Variants in ALOX5 observed in about 807,000 individuals in gnomAD.
The protein encoded by ALOX5 is arachidonate 5-lipoxygenase, also known as polyunsaturated fatty acid 5-lipoxygenase.
In ALOX5, 64 loss-of-function variants were observed where a neutral mutation model predicts 87.9. The ratio of observed to expected loss-of-function variants is 0.73; its 90% CI spans 0.60 to 0.90. ALOX5 has a LOEUF of 0.90. Among genes scored for constraint, ALOX5 ranks in the 40% least tolerant of loss-of-function variants. The pLI is 0.00. For missense variants in ALOX5, 822 were observed against 907.5 expected, an observed-to-expected ratio of 0.91 and a Z score of 1.21; for synonymous variants, 388 against 355.1, an observed-to-expected ratio of 1.09 and a Z score of -1.04.
intron 11 of ALOX5, 33 bp from the exon 12 acceptor site, chr10:45,443,695 C>T: frequency 6.2e-7 from 1 of 1,600,862 alleles, no homozygotes; most frequent in Non-Finnish European, 8.5e-7. Context: ...TCCTCAGGGA[C>T]TGGGCCTCAG....
At chr10:45,393,519 A>G (rs1290845933) in intron 2 of ALOX5, among the ~76,000 whole-genome samples, 2 of 152,176 alleles carry the variant, frequency 1.3e-5, no homozygotes, top group South Asian at 2.1e-4. Flanking sequence ...CAAAAACTGG[A>G]AGCATTCCCT....
chr10:45,430,863 C>T (rs2132824173), intron 7 of ALOX5, among the ~76,000 whole-genome samples: 1 of 152,272 alleles, frequency 6.6e-6, no homozygotes, highest in Non-Finnish European at 1.5e-5. Flanking sequence ...TTATCAGCCC[C>T]AAATTGATCA....
intron 9 of ALOX5, 160 bp downstream of exon 9, chr10:45,441,590 G>C: frequency 1.4e-5 from 9 of 653,466 alleles, no homozygotes; most frequent in Non-Finnish European, 2.0e-5. Flanking sequence ...TCTCCAGCCC[G>C]TGCCATTCAG....
intron 7 of ALOX5, among the ~76,000 whole-genome samples, chr10:45,429,863 C>G (rs1335497473): frequency 6.6e-6 from 1 of 152,068 alleles, no homozygotes; most frequent in Non-Finnish European, 1.5e-5. Flanking sequence ...CACAACCATC[C>G]TAGGTAGTGG....
chr10:45,396,064 T>A (rs900744733), intron 3 of ALOX5, 128 bp downstream of exon 3: 23 of 856,602 alleles, frequency 2.7e-5, no homozygotes, highest in Non-Finnish European at 3.9e-5. Flanking sequence ...AGGCACCAGC[T>A]CCCAGTGTGG....
intron 1 of ALOX5, among the ~76,000 whole-genome samples, chr10:45,381,846 A>T (rs1350194926): frequency 1.3e-5 from 2 of 152,216 alleles, no homozygotes; most frequent in East Asian, 3.8e-4. Flanking sequence ...GCCTTCAGTG[A>T]ATGTCTTGGG....
chr10:45,444,137 C>T lies in ALOX5; in HGVS notation c.1696C>T (p.Pro566Ser). 1 of 1,548,264 alleles carries T rather than the reference C, an allele frequency of 6.5e-7. No individual in the cohort carries two copies. The highest frequency in any genetic ancestry group is 8.7e-7 in the Non-Finnish European group (1 of 1,144,980). ...FGQYDWCSWI[P>S]NAPPTMRAPP... The stretch of plus-strand genomic sequence containing the variant: ...GCAGTACGACTGGTGCTCCTGGATC[C>T]CCAATGCGCCCCCAACCATGCGAGC... The change falls in exon 13 of 14, where the codon CCC becomes TCC. Residue 566 changes from proline (P) to serine (S), a missense_variant. Pro to Ser is a moderately conservative substitution (Grantham distance 74, BLOSUM62 -1). Coordinates refer to ENST00000374391, the MANE Select transcript of ALOX5 (RefSeq NM_000698.5).
At chr10:45,424,195 T>G (rs1399573716) in intron 5 of ALOX5, 48 bp downstream of exon 5, 1 of 1,458,510 alleles carries the variant, frequency 6.9e-7, no homozygotes. Context: ...CAGGGGATGC[T>G]GCTCTCCTGT....
At chr10:45,443,904 G>A (rs1486778661) in intron 12 of ALOX5, 76 bp downstream of exon 12, 1 of 1,500,376 alleles carries the variant, frequency 6.7e-7, no homozygotes, top group East Asian at 2.5e-5. Context: ...GGTTCTGCAC[G>A]CGTACTGCAC....
chr10:45,404,540 C>T (rs931722043), intron 3 of ALOX5, among the ~76,000 whole-genome samples: 15 of 152,226 alleles, frequency 9.9e-5, no homozygotes, highest in African/African-American at 3.1e-4. Context: ...TTAATCTAAT[C>T]ATTATGTGAC....
At chr10:45,389,841 C>A (rs1840147713) in intron 2 of ALOX5, among the ~76,000 whole-genome samples, 1 of 152,164 alleles carries the variant, frequency 6.6e-6, no homozygotes, top group Non-Finnish European at 1.5e-5. Flanking sequence ...TCACACATAA[C>A]AATATTAACC....
intron 8 of ALOX5, 140 bp downstream of exon 8, chr10:45,440,773 AG>A (rs2132853431): frequency 1.0e-6 from 1 of 958,806 alleles, no homozygotes; most frequent in African/African-American, 1.6e-5. Context: ...TCTCAGAGTC[AG>A]TAATGCCCCT....
chr10:45,441,370 C>T lies in ALOX5; in HGVS notation c.1212C>T (p.Thr404=), dbSNP rs1392346756. 1 of 1,613,798 alleles carries T rather than the reference C, an allele frequency of 6.2e-7. No homozygotes were observed. Among genetic ancestry groups the T allele is most frequent in the Non-Finnish European group, 8.5e-7 (1 of 1,179,836 alleles). ...TGCTGGTGGCACACGTGAGATTCAC[C>T]ATTGCAATCAACACCAAGGCCCGTG... ...FKLLVAHVRF[T]IAINTKAREQ... Residue 404 remains threonine (T), a synonymous_variant, in exon 9 of 14, where the codon ACC becomes ACT. Coordinates refer to ENST00000374391, the MANE Select transcript of ALOX5 (RefSeq NM_000698.5).
intron 4 of ALOX5, among the ~76,000 whole-genome samples, chr10:45,418,860 A>G (rs1841396071): frequency 1.3e-5 from 2 of 152,248 alleles, no homozygotes; most frequent in South Asian, 4.1e-4. Flanking sequence ...TGAAAAGACA[A>G]TGTCCTCATT....
At chr10:45,409,569 T>TTCTC (rs374670021) in intron 3 of ALOX5, among the ~76,000 whole-genome samples, 3 of 124,914 alleles carry the variant, frequency 2.4e-5, no homozygotes, top group Admixed American at 7.7e-5. Context: ...CTCTCTCTCT[T>TTCTC]TCTCTCTCTC....
rs1369332039 is a variant in ALOX5 at position 45,444,006 on chromosome 10, G to A, written c.1675-110G>A. ...CTGGCCGCGGGGAAAGAGGATGGAC[G>A]GACTGCAGGGCCCGCTGGAGTTGGG... On this transcript the variant is annotated intron_variant, in intron 12 of 13. Coordinates refer to ENST00000374391, the MANE Select transcript of ALOX5 (RefSeq NM_000698.5). 1.0e-5 allele frequency: 15 copies of A among 1,439,836 alleles called. 2 individuals carry two copies. In the South Asian group the frequency reaches 1.2e-4, roughly 12 times the overall value. The allele number at this position is 1,439,836 out of a possible 1,614,324, so 89.2% of individuals were successfully genotyped here.
At chr10:45,440,301 T>C (rs573162552) in intron 7 of ALOX5, 129 bp from the exon 8 acceptor site, 244 of 992,774 alleles carry the variant, frequency 2.5e-4, no homozygotes, top group Non-Finnish European at 1.6e-4. Context: ...CCCTCCAGGC[T>C]CTTCTGATTC....
At chr10:45,415,723 C>T (rs958654871) in intron 4 of ALOX5, among the ~76,000 whole-genome samples, 2 of 152,258 alleles carry the variant, frequency 1.3e-5, no homozygotes, top group South Asian at 2.1e-4. Context: ...GGCATGGTCA[C>T]GTTACTGAAT....
At chr10:45,429,300 G>A (rs752037079) in intron 7 of ALOX5, among the ~76,000 whole-genome samples, 36 of 152,196 alleles carry the variant, frequency 2.4e-4, no homozygotes, top group Admixed American at 3.9e-4. Context: ...GAGCTGGTGT[G>A]CAGACAGCAG....
Sources: gnomAD v4.1 joint callset for allele counts (sites outside exome capture counted in the v4.1 genomes callset) on GRCh38, gnomAD v4.1.1 for gene constraint, MANE v1.5 for transcripts, NCBI Gene and HGNC (gene_info 2026-07-23, HGNC 2026-07-21) for gene names.